Variants in SCFD2 observed in about 807,000 individuals in gnomAD.
SCFD2 encodes sec1 family domain containing 2, also known as sec1 family domain-containing protein 2.
A neutral mutation model predicts 58.9 loss-of-function variants in SCFD2; 54 were observed. The observed-to-expected ratio is 0.92, with a 90% CI of 0.74 to 1.15. The LOEUF (loss-of-function observed/expected upper bound fraction) is 1.15, where lower values mean the gene tolerates loss of function less well. Ranked by LOEUF, SCFD2 falls within the 50% of genes most tolerant of loss-of-function variation. SCFD2 has a pLI of 0.00. For synonymous variants in SCFD2, 321 were observed against 335.9 expected (o/e 0.96, Z 0.49); for missense variants, 805 against 836.6 (o/e 0.96, Z 0.47).
At chr4:53,308,968 G>T (rs1732601143) in intron 3 of SCFD2, among the ~76,000 whole-genome samples, 1 of 151,534 alleles carries the variant, frequency 6.6e-6, no homozygotes, top group Non-Finnish European at 1.5e-5. Context: ...GTCTCTACTA[G>T]ATAAAAATAA....
At chr4:53,035,447 A>G (rs1182220471) in intron 5 of SCFD2, among the ~76,000 whole-genome samples, 2 of 152,210 alleles carry the variant, frequency 1.3e-5, no homozygotes, top group African/African-American at 4.8e-5. Flanking sequence ...ACCAAAAGCA[A>G]TGGCAACAAA....
At chr4:53,043,694 A>G (rs1278162523) in intron 5 of SCFD2, among the ~76,000 whole-genome samples, 1 of 152,144 alleles carries the variant, frequency 6.6e-6, no homozygotes, top group Non-Finnish European at 1.5e-5. Context: ...ACAAGAAAAG[A>G]CTTTGTGAGG....
chr4:53,302,904 A>G (rs1397256064), intron 3 of SCFD2, among the ~76,000 whole-genome samples: 1 of 152,242 alleles, frequency 6.6e-6, no homozygotes, highest in Non-Finnish European at 1.5e-5. Context: ...CCATATATAG[A>G]GAGCTGAAAC....
chr4:53,259,241 A>G (rs1471795102), intron 4 of SCFD2, among the ~76,000 whole-genome samples: 1 of 152,134 alleles, frequency 6.6e-6, no homozygotes, highest in Non-Finnish European at 1.5e-5. Flanking sequence ...CCATCTATTT[A>G]TCTTTGTTTT....
chr4:52,989,359 A>G (rs1453641218), intron 5 of SCFD2, among the ~76,000 whole-genome samples: 1 of 152,244 alleles, frequency 6.6e-6, no homozygotes, highest in Non-Finnish European at 1.5e-5. Context: ...CTAAGGAAAG[A>G]TGATGGAAAT....
intron 5 of SCFD2, among the ~76,000 whole-genome samples, chr4:53,044,924 C>CA (rs1179446484): frequency 1.2e-4 from 17 of 147,708 alleles, no homozygotes; most frequent in African/African-American, 2.8e-4. Flanking sequence ...CCCCCGCCCA[C>CA]AAAAAACTTG....
At chr4:52,972,338 G>C (rs1305453150) in intron 5 of SCFD2, among the ~76,000 whole-genome samples, 2 of 151,510 alleles carry the variant, frequency 1.3e-5, no homozygotes, top group Admixed American at 6.6e-5. Context: ...CAAGCAAATG[G>C]AAAACAAAAA....
intron 4 of SCFD2, among the ~76,000 whole-genome samples, chr4:53,232,946 C>T (rs58747141): frequency 5.9e-5 from 9 of 152,100 alleles, no homozygotes; most frequent in South Asian, 2.1e-4. Flanking sequence ...GAAATCCATG[C>T]GCTAGCCCAA....
intron 4 of SCFD2, among the ~76,000 whole-genome samples, chr4:53,261,712 A>G (rs1730833958): frequency 6.6e-6 from 1 of 152,172 alleles, no homozygotes; most frequent in African/African-American, 2.4e-5. Context: ...GTTGGATAGA[A>G]TGTTCTGTAA....
intron 4 of SCFD2, among the ~76,000 whole-genome samples, chr4:53,192,267 C>T (rs1365918215): frequency 6.6e-6 from 1 of 152,144 alleles, no homozygotes; most frequent in Non-Finnish European, 1.5e-5. Context: ...GCCTGCCTGG[C>T]CAGGGAAGGG....
rs534561569 is a variant in SCFD2 at position 53,088,549 on chromosome 4, T to C, written c.1561+56784A>G. Among the ~76,000 whole-genome samples the C allele has an allele frequency of 8.3e-4, 127 of 152,242 alleles. 1 individual carries two copies. The highest frequency in any genetic ancestry group is 1.6e-3 in the Non-Finnish European group (107 of 68,050). The stretch of plus-strand genomic sequence containing the variant: ...TGGGATTTGTTACCCTTTTCTTCTT[T>C]GCTATTTCTCCCTTTTGGAATGGAT... On this transcript the variant is annotated intron_variant, in intron 5 of 8. Transcript: ENST00000401642.
intron 5 of SCFD2, among the ~76,000 whole-genome samples, chr4:52,996,026 A>G (rs1172973690): frequency 1.3e-5 from 2 of 152,236 alleles, no homozygotes; most frequent in African/African-American, 4.8e-5. Flanking sequence ...TCAACATTAA[A>G]CAAATGACTG....
intron 2 of SCFD2, among the ~76,000 whole-genome samples, chr4:53,318,615 T>A (rs2149116654): frequency 6.6e-6 from 1 of 152,248 alleles, no homozygotes; most frequent in South Asian, 2.1e-4. Context: ...TATTTAAACC[T>A]AAACCCTTTG....
chr4:53,254,835 A>C lies in SCFD2; in HGVS notation c.1311+18991T>G, dbSNP rs1303169898. Among the ~76,000 whole-genome samples, 7 of 136,706 alleles carry C rather than the reference A, an allele frequency of 5.1e-5. No individual in the cohort carries two copies. The East Asian group carries it at 1.2e-3, about 23-fold the overall frequency. 89.7% of individuals were successfully genotyped at this position (136,706 alleles called of 152,430 possible). On this transcript the variant is annotated intron_variant, in intron 4 of 8. Coordinates refer to ENST00000401642, the MANE Select transcript of SCFD2 (RefSeq NM_152540.4). ...ATTTTATTTTATTTTATTTTATTTT[A>C]TTTTATTTTATTTTATTTTATTTTA...
chr4:53,160,261 C>A (rs538249934), intron 4 of SCFD2, among the ~76,000 whole-genome samples: 12 of 152,132 alleles, frequency 7.9e-5, no homozygotes, highest in Non-Finnish European at 1.8e-4. Context: ...CTGGTATGAT[C>A]TTGTTTTAAA....
chr4:53,192,763 G>T (rs1213819247), intron 4 of SCFD2, among the ~76,000 whole-genome samples: 1 of 152,114 alleles, frequency 6.6e-6, no homozygotes, highest in African/African-American at 2.4e-5. Flanking sequence ...TCATGGAAGA[G>T]CTGTCACTGT....
intron 5 of SCFD2, among the ~76,000 whole-genome samples, chr4:53,052,395 G>A (rs1432386218): frequency 2.0e-5 from 3 of 152,126 alleles, no homozygotes; most frequent in Non-Finnish European, 2.9e-5. Flanking sequence ...TTGATTGCTC[G>A]TTACGAACTT....
intron 2 of SCFD2, among the ~76,000 whole-genome samples, chr4:53,347,804 T>C (rs143706291): frequency 6.6e-6 from 1 of 152,294 alleles, no homozygotes; most frequent in East Asian, 1.9e-4. Context: ...TGTGAGGTCT[T>C]GGCTTTCACC....
Position 52,907,545 on chromosome 4 carries a change from T to C in SCFD2, c.1754A>G (p.His585Arg). 1 of 1,612,168 alleles carries C rather than the reference T, an allele frequency of 6.2e-7. No homozygotes were observed. The highest frequency in any genetic ancestry group is 1.3e-5 in the African/African-American group (1 of 75,014). ...ATCAACGGAATCTGGCCTCTCGGGA[T>C]GAAATATTTCCTCCACAACTTGCTT... is the stretch of plus-strand genomic sequence containing the variant. The part of the protein sequence containing the change: ...LLKQVVEEIF[H>R]PERPDSVDIE... The change falls in exon 7 of 9, where the codon CAT becomes CGT. Residue 585 changes from histidine (H) to arginine (R), a missense_variant. By Grantham distance (29) the His-to-Arg change is conservative (BLOSUM62 0). Around this residue, in one of 3 missense-constraint regions of SCFD2, gnomAD observed 633 missense variants for 646.8 expected, o/e 0.98. Transcript: ENST00000401642.
Sources: gnomAD v4.1 joint callset for allele counts (sites outside exome capture counted in the v4.1 genomes callset) on GRCh38, gnomAD v4.1.1 for gene constraint, gnomAD v4.1.1 regional missense constraint, MANE v1.5 for transcripts, NCBI Gene and HGNC (gene_info 2026-07-23, HGNC 2026-07-21) for gene names.